REPS2: variants seen among roughly 807,000 people sequenced by gnomAD.
REPS2 encodes the protein ralBP1-associated Eps domain-containing protein 2.
In REPS2, 23 loss-of-function variants were observed where a neutral mutation model predicts 53.6. That is an observed-to-expected ratio of 0.43 (90% CI 0.31 to 0.61). The LOEUF (loss-of-function observed/expected upper bound fraction) is 0.61, where lower values mean the gene tolerates loss of function less well. Ranked by LOEUF, REPS2 falls within the 20% of genes least tolerant of loss-of-function variation. The pLI is 0.11. For missense variants in REPS2, 446 were observed against 534.9 expected (o/e 0.83, Z 1.64); for synonymous variants, 238 against 218.6 (o/e 1.09, Z -0.78).
chrX:17,060,850 T>C (rs1255229401), intron 8 of REPS2, among the ~76,000 whole-genome samples: 1 of 111,024 alleles, frequency 9.0e-6, no homozygotes, highest in African/African-American at 3.3e-5. Flanking sequence ...AGATTTGCTA[T>C]GTGAAATGAT....
intron 1 of REPS2, among the ~76,000 whole-genome samples, chrX:16,950,641 TA>T (rs2060495119): frequency 8.9e-6 from 1 of 112,873 alleles, no homozygotes; most frequent in Admixed American, 9.4e-5. Context: ...GCTGAGGTTA[TA>T]ATAGTGAATC....
intron 13 of REPS2, among the ~76,000 whole-genome samples, chrX:17,090,361 C>T (rs2062599244): frequency 9.0e-6 from 1 of 111,707 alleles, no homozygotes; most frequent in South Asian, 3.7e-4. Flanking sequence ...AGAGCTTGTA[C>T]AGGGAAATTC....
the REPS2 span, among the ~76,000 whole-genome samples, chrX:17,196,131 TGAA>T: frequency 8.9e-6 from 1 of 112,083 alleles, no homozygotes; most frequent in African/African-American, 3.2e-5. Context: ...TGCAATAAGA[TGAA>T]GGCCTACTGC....
chrX:16,962,322 CACAG>C (rs2060674988), intron 1 of REPS2, among the ~76,000 whole-genome samples: 1 of 99,382 alleles, frequency 1.0e-5, no homozygotes, highest in African/African-American at 3.9e-5. Context: ...CACACACACA[CACAG>C]ATGACAGAAT....
At chrX:17,026,454 G>GTTT (rs781128245) in intron 4 of REPS2, among the ~76,000 whole-genome samples, 260 of 93,344 alleles carry the variant, frequency 2.8e-3, no homozygotes, top group African/African-American at 9.6e-3. Context: ...TCAGGAGTGG[G>GTTT]TTTTTTTTTT....
intron 1 of REPS2, among the ~76,000 whole-genome samples, chrX:16,992,997 GT>G (rs1289237434): frequency 8.9e-6 from 1 of 112,126 alleles, no homozygotes; most frequent in Non-Finnish European, 1.9e-5. Flanking sequence ...GGGAGCTGGT[GT>G]TACATGGCAC....
intron 14 of REPS2, among the ~76,000 whole-genome samples, chrX:17,125,623 A>G (rs1477931153): frequency 1.8e-5 from 2 of 112,618 alleles, no homozygotes; most frequent in Non-Finnish European, 1.9e-5. Flanking sequence ...TCTAGAACAA[A>G]CATAATTAAG....
At chrX:17,175,477 T>C in the REPS2 span, among the ~76,000 whole-genome samples, 7 of 112,325 alleles carry the variant, frequency 6.2e-5, no homozygotes, top group Admixed American at 6.6e-4. Flanking sequence ...GCACTTGTTT[T>C]TTGCATACCA....
chrX:17,037,911 G>GC (rs1473755555), intron 5 of REPS2, among the ~76,000 whole-genome samples: 1 of 111,544 alleles, frequency 9.0e-6, no homozygotes, highest in East Asian at 2.8e-4. Context: ...GGAGTGTCAT[G>GC]CCCCCCCAGT....
At chrX:16,993,942 G>T (rs926306503) in intron 1 of REPS2, among the ~76,000 whole-genome samples, 1 of 112,817 alleles carries the variant, frequency 8.9e-6, no homozygotes, top group Non-Finnish European at 1.9e-5. Context: ...TCTTTAGGAA[G>T]ACCAGGGACA....
At chrX:17,043,790 T>C (rs2147901384) in intron 5 of REPS2, among the ~76,000 whole-genome samples, 1 of 112,461 alleles carries the variant, frequency 8.9e-6, no homozygotes, top group East Asian at 2.8e-4. Flanking sequence ...AGGTGTGAGG[T>C]GGGTCATGGT....
chrX:16,991,634 A>T (rs1270968285), intron 1 of REPS2, among the ~76,000 whole-genome samples: 2 of 111,253 alleles, frequency 1.8e-5, no homozygotes, highest in African/African-American at 6.5e-5. Flanking sequence ...AGGTGAGGTT[A>T]TACCGGAGTA....
Position 17,077,283 on chromosome X carries a change from C to T in REPS2, c.1392C>T (p.Ser464=). 1 of 1,194,596 alleles carries T rather than the reference C, an allele frequency of 8.4e-7. No individual in the cohort carries two copies. Among genetic ancestry groups the T allele is most frequent in the Non-Finnish European group, 1.1e-6 (1 of 888,646 alleles). The part of the protein sequence containing the change: ...KARPRSRSYS[S]TSIEEAMKRG... Reference sequence around the variant, plus strand: ...TATTTTGCTACAGATCTTACTCTAGCACCTCCATAGAAGAGGCCATGAAAA... The same window carrying T: ...TATTTTGCTACAGATCTTACTCTAGTACCTCCATAGAAGAGGCCATGAAAA... The change falls in exon 13 of 18, where the codon AGC becomes AGT. Residue 464 remains serine, a synonymous_variant. Transcript: ENST00000357277.
the REPS2 span, among the ~76,000 whole-genome samples, chrX:17,191,514 G>T: frequency 8.9e-6 from 1 of 112,148 alleles, no homozygotes; most frequent in Non-Finnish European, 1.9e-5. Context: ...AAAACACTTT[G>T]GAAAACTGTT....
chrX:16,965,087 G>A (rs2060730032), intron 1 of REPS2, among the ~76,000 whole-genome samples: 1 of 90,949 alleles, frequency 1.1e-5, no homozygotes, highest in African/African-American at 4.2e-5. Context: ...GCCGGGCGGG[G>A]GGCTGACCCC....
At chrX:16,970,632 A>G (rs1022149879) in intron 1 of REPS2, among the ~76,000 whole-genome samples, 1 of 112,171 alleles carries the variant, frequency 8.9e-6, no homozygotes, top group Non-Finnish European at 1.9e-5. Flanking sequence ...TATTTCCGGA[A>G]TATTTTTGTC....
rs973365223 is a variant in REPS2, at chrX:17,022,158, G to A, written c.433G>A (p.Asp145Asn). ...GCCTCGCTTTATGATGTCAAAGAAT[G>A]ATGGTGAGATACGATTTGGGAACCC... ...PLPRFMMSKNDGEIRFGNPAE... is the reference protein window; with the variant it reads ...PLPRFMMSKNNGEIRFGNPAE... The change falls in exon 3 of 18, where the codon GAT becomes AAT. Residue 145 changes from aspartate (D) to asparagine (N), a missense_variant. Coordinates refer to ENST00000357277, the MANE Select transcript of REPS2 (RefSeq NM_004726.3). 8.3e-7 allele frequency: 1 copy of A among 1,208,005 alleles called. No individual in the cohort carries two copies. Among genetic ancestry groups the A allele is most frequent in the African/African-American group, 1.7e-5 (1 of 57,179 alleles).
intron 13 of REPS2, among the ~76,000 whole-genome samples, chrX:17,096,013 A>G (rs952286029): frequency 9.8e-5 from 11 of 112,155 alleles, no homozygotes; most frequent in Non-Finnish European, 2.1e-4. Context: ...GTTAAGAGTG[A>G]GATTAGTTAC....
intron 2 of REPS2, among the ~76,000 whole-genome samples, chrX:17,018,689 C>T (rs1178021134): frequency 1.8e-5 from 2 of 108,433 alleles, no homozygotes; most frequent in African/African-American, 6.7e-5. Flanking sequence ...TTTGATGGAA[C>T]ATGAGTTCTC....
Sources: allele counts gnomAD v4.1 joint callset (sites outside exome capture counted in the v4.1 genomes callset), GRCh38; gene constraint gnomAD v4.1.1; transcripts MANE v1.5; gene names NCBI Gene and HGNC (gene_info 2026-07-23, HGNC 2026-07-21).